Variants in ZNF385D observed in about 807,000 individuals in gnomAD.
ZNF385D encodes zinc finger protein 659.
In ZNF385D, 15 loss-of-function variants were observed where a neutral mutation model predicts 35.8. The observed-to-expected ratio is 0.42, with a 90% CI of 0.28 to 0.64. The LOEUF (loss-of-function observed/expected upper bound fraction) is 0.64, where lower values mean the gene tolerates loss of function less well. Ranked by LOEUF, ZNF385D falls within the 30% of genes least tolerant of loss-of-function variation. The pLI is 0.23. For synonymous variants in ZNF385D, 212 were observed against 186.8 expected, an observed-to-expected ratio of 1.13 and a Z score of -1.10; for missense variants, 474 against 494.6, an observed-to-expected ratio of 0.96 and a Z score of 0.39.
intron 2 of ZNF385D, among the ~76,000 whole-genome samples, chr3:21,629,356 T>C (rs961379244): frequency 2.0e-5 from 3 of 152,122 alleles, no homozygotes; most frequent in African/African-American, 7.2e-5. Context: ...TCTATAAAAA[T>C]TGACTTCTCA....
rs1337654237 is a variant in ZNF385D at position 21,417,228 on chromosome 3, C to G, written c.*3986G>C. 3 of 152,080 alleles carry G rather than the reference C, an allele frequency of 2.0e-5. No homozygotes were observed. The highest frequency in any genetic ancestry group is 6.6e-5 in the Admixed American group (1 of 15,262). 9.4% of individuals were successfully genotyped at this position (152,080 alleles called of 1,614,324 possible). ...CTGAGAGGATAAAAGCAATGCCCCT[C>G]TAGTGCTGATGTATTAAACCAGCTT... On this transcript the variant is annotated 3_prime_UTR_variant, in exon 8 of 8. Coordinates refer to ENST00000281523, the MANE Select transcript of ZNF385D (RefSeq NM_024697.3).
At chr3:21,850,816 C>G (rs1696338329) in intron 3 of ZNF385D, among the ~76,000 whole-genome samples, 1 of 152,042 alleles carries the variant, frequency 6.6e-6, no homozygotes, top group South Asian at 2.1e-4. Context: ...CTATACCTTT[C>G]CTAGTGGGCC....
At chr3:22,126,871 C>A (rs908319493) in intron 3 of ZNF385D, among the ~76,000 whole-genome samples, 1 of 152,126 alleles carries the variant, frequency 6.6e-6, no homozygotes, top group African/African-American at 2.4e-5. Context: ...GGTGCATATA[C>A]AGTTATAATT....
At chr3:21,546,244 CAGAA>C (rs2062367785) in intron 3 of ZNF385D, among the ~76,000 whole-genome samples, 1 of 152,090 alleles carries the variant, frequency 6.6e-6, no homozygotes, top group Non-Finnish European at 1.5e-5. Flanking sequence ...GGCTGCAGCT[CAGAA>C]AGAACTAACA....
At chr3:22,099,433 C>T (rs1053057311) in intron 3 of ZNF385D, among the ~76,000 whole-genome samples, 10 of 152,104 alleles carry the variant, frequency 6.6e-5, no homozygotes, top group South Asian at 6.2e-4. Flanking sequence ...GTAGTGACAG[C>T]GGTCAATTGC....
intron 3 of ZNF385D, among the ~76,000 whole-genome samples, chr3:22,127,020 T>C (rs1230642502): frequency 6.6e-6 from 1 of 152,162 alleles, no homozygotes; most frequent in Non-Finnish European, 1.5e-5. Context: ...CTTTCATTAG[T>C]ATGGAATATC....
At chr3:21,834,037 A>G (rs907304620) in intron 3 of ZNF385D, among the ~76,000 whole-genome samples, 6 of 152,140 alleles carry the variant, frequency 3.9e-5, no homozygotes, top group Admixed American at 6.6e-5. Context: ...TACACGTAAA[A>G]TATTTTATAT....
intron 3 of ZNF385D, among the ~76,000 whole-genome samples, chr3:21,816,041 A>G (rs1444773724): frequency 6.6e-6 from 1 of 152,200 alleles, no homozygotes; most frequent in Non-Finnish European, 1.5e-5. Context: ...GAAAATCAAT[A>G]AATGTAATCC....
chr3:22,206,632 A>G (rs1697174876), intron 2 of ZNF385D, among the ~76,000 whole-genome samples: 2 of 151,958 alleles, frequency 1.3e-5, no homozygotes, highest in South Asian at 2.1e-4. Flanking sequence ...GAAGTTTGAG[A>G]ACTATACAAA....
At chr3:22,364,669 C>A (rs1696570168) in intron 2 of ZNF385D, among the ~76,000 whole-genome samples, 2 of 152,110 alleles carry the variant, frequency 1.3e-5, no homozygotes, top group Non-Finnish European at 2.9e-5. Context: ...TGTACAGCCA[C>A]TGTGGAAACA....
At chr3:21,460,070 C>G (rs1304908941) in intron 4 of ZNF385D, among the ~76,000 whole-genome samples, 4 of 152,180 alleles carry the variant, frequency 2.6e-5, no homozygotes, top group African/African-American at 9.7e-5. Context: ...GAATGTTAAG[C>G]TTGCTCTTTA....
At chr3:21,468,203 G>A (rs994541331) in intron 4 of ZNF385D, among the ~76,000 whole-genome samples, 2 of 151,842 alleles carry the variant, frequency 1.3e-5, no homozygotes, top group Admixed American at 6.6e-5. Flanking sequence ...AGAAGTTTGA[G>A]ATGAGCCTGG....
intron 3 of ZNF385D, among the ~76,000 whole-genome samples, chr3:21,827,333 CATACACACAT>C (rs1694705119): frequency 6.6e-6 from 1 of 152,098 alleles, no homozygotes. Context: ...TTCATAAACA[CATACACACAT>C]ATACACACGC....
At chr3:21,693,275 T>C (rs537618916) in intron 1 of ZNF385D, among the ~76,000 whole-genome samples, 2 of 152,318 alleles carry the variant, frequency 1.3e-5, no homozygotes, top group South Asian at 4.1e-4. Flanking sequence ...CTTCTGTGTC[T>C]GAGTGGAAGC....
chr3:21,586,712 G>A (rs1292768495), intron 2 of ZNF385D, among the ~76,000 whole-genome samples: 2 of 151,776 alleles, frequency 1.3e-5, no homozygotes, highest in East Asian at 1.9e-4. Context: ...TTCCTGCATC[G>A]CTGCAGAGTT....
intron 3 of ZNF385D, among the ~76,000 whole-genome samples, chr3:21,824,364 A>G (rs992732985): frequency 1.3e-5 from 2 of 152,224 alleles, no homozygotes; most frequent in African/African-American, 4.8e-5. Flanking sequence ...ACATGAATAC[A>G]ACTGTGTAAC....
chr3:22,344,521 C>G (rs1055149110), intron 2 of ZNF385D, among the ~76,000 whole-genome samples: 5 of 152,080 alleles, frequency 3.3e-5, no homozygotes, highest in African/African-American at 1.2e-4. Flanking sequence ...TCCTGAGTAT[C>G]TAGGACTACA....
chr3:21,617,395 C>T (rs2064878138), intron 2 of ZNF385D, among the ~76,000 whole-genome samples: 1 of 152,158 alleles, frequency 6.6e-6, no homozygotes, highest in East Asian at 1.9e-4. Context: ...GAGGGAATCA[C>T]AACTCTTAGG....
At chr3:21,761,897 T>G (rs2070631187) in intron 3 of ZNF385D, among the ~76,000 whole-genome samples, 1 of 73,404 alleles carries the variant, frequency 1.4e-5, no homozygotes. Context: ...TTTTTTTTTT[T>G]GAGACGGAGT....
Sources: allele counts gnomAD v4.1 joint callset (sites outside exome capture counted in the v4.1 genomes callset), GRCh38; gene constraint gnomAD v4.1.1; transcripts MANE v1.5; gene names NCBI Gene and HGNC (gene_info 2026-07-23, HGNC 2026-07-21).